TNNT1: variants seen among roughly 807,000 people sequenced by gnomAD.
TNNT1 encodes troponin T1, slow skeletal type.
TNNT1 carries 53 observed loss-of-function variants against 50.6 expected under a neutral mutation model. The ratio of observed to expected loss-of-function variants is 1.05; its 90% CI spans 0.84 to 1.32. The LOEUF (loss-of-function observed/expected upper bound fraction) is 1.32. TNNT1 is among the 40% of genes most tolerant of loss of function. The pLI is 0.00. For missense variants in TNNT1, 348 were observed against 381.7 expected, an observed-to-expected ratio of 0.91 and a Z score of 0.74; for synonymous variants, 142 against 138.0, an observed-to-expected ratio of 1.03 and a Z score of -0.20.
intron 9 of TNNT1, among the ~76,000 whole-genome samples, chr19:55,138,588 G>A (rs534079967): frequency 7.9e-5 from 12 of 152,020 alleles, no homozygotes; most frequent in Admixed American, 6.6e-5. Context: ...CCCTTCTCTG[G>A]GTCTTAATAT....
At chr19:55,145,660 C>G (rs577644682) in intron 5 of TNNT1, 95 bp from the exon 6 acceptor site, 3 of 1,428,028 alleles carry the variant, frequency 2.1e-6, no homozygotes, top group Non-Finnish European at 3.0e-6. Flanking sequence ...CCCCAAGCCT[C>G]GGCCCCCAGG....
intron 6 of TNNT1, among the ~76,000 whole-genome samples, chr19:55,144,677 A>G (rs1210591124): frequency 3.9e-5 from 6 of 152,226 alleles, no homozygotes; most frequent in Admixed American, 6.5e-5. Context: ...GCAAAGGCTC[A>G]GGGGTATGAA....
intron 11 of TNNT1, chr19:55,135,409 C>A: frequency 4.3e-6 from 1 of 231,624 alleles, no homozygotes; most frequent in Non-Finnish European, 8.8e-6. Context: ...TCTTTTCTTT[C>A]TTTTCTTTTT....
At chr19:55,142,301 TTAG>T (rs2085473174) in intron 6 of TNNT1, among the ~76,000 whole-genome samples, 1 of 150,786 alleles carries the variant, frequency 6.6e-6, no homozygotes, top group South Asian at 2.1e-4. Context: ...TTCTGTATTT[TTAG>T]TAGAGACGGG....
intron 9 of TNNT1, among the ~76,000 whole-genome samples, chr19:55,140,232 G>A (rs1048038399): frequency 3.9e-5 from 6 of 152,160 alleles, no homozygotes; most frequent in African/African-American, 1.4e-4. Context: ...GGTGAAAGCA[G>A]GTGGATTGCT....
chr19:55,134,240 G>C, intron 11 of TNNT1, 36 bp from the exon 12 acceptor site: 1 of 1,548,378 alleles, frequency 6.5e-7, no homozygotes. Flanking sequence ...TGGGCCCAGA[G>C]AGGTTGTGGG....
At chr19:55,144,441 G>A (rs945999681) in intron 6 of TNNT1, among the ~76,000 whole-genome samples, 1 of 152,158 alleles carries the variant, frequency 6.6e-6, no homozygotes, top group Non-Finnish European at 1.5e-5. Flanking sequence ...GTACAGTGGT[G>A]TAATCATAGC....
rs1371779259 is a variant in TNNT1, at chr19:55,147,077, G to A, written c.32+49C>T. On this transcript the variant is annotated intron_variant, in intron 2 of 13. Transcript: ENST00000588981. ...GGGGAGAGTTAGACCTGGGGTGGGA[G>A]AGCCTCTCCACCACTGCACGCCCCA... 10 of 1,613,298 alleles carry A rather than the reference G, an allele frequency of 6.2e-6. No homozygotes were observed. In the East Asian group the frequency reaches 2.0e-4, roughly 32 times the overall value.
chr19:55,148,946 G>A (rs971105525), intron 1 of TNNT1, among the ~76,000 whole-genome samples: 1 of 151,990 alleles, frequency 6.6e-6, no homozygotes, highest in Non-Finnish European at 1.5e-5. Flanking sequence ...TGGCAGCCCC[G>A]GGTTAGGATT....
chr19:55,134,064 A>G lies in TNNT1; in HGVS notation c.750+2T>C, dbSNP rs1165345869. 16 of 1,612,760 alleles carry G rather than the reference A, an allele frequency of 9.9e-6. No individual in the cohort carries two copies. The highest frequency in any genetic ancestry group is 1.3e-5 in the Non-Finnish European group (15 of 1,179,814). On this transcript the variant is annotated splice_donor_variant, in intron 12 of 13. Coordinates refer to ENST00000588981, the MANE Select transcript of TNNT1 (RefSeq NM_003283.6). LOFTEE classifies it high-confidence loss of function. ...CTCCCTCCCTGCGGAGCTGGGTCTC[A>G]CCTCATATTTCTGCTGTTTCAGCTT...
chr19:55,140,154 G>A (rs910611987), intron 9 of TNNT1, among the ~76,000 whole-genome samples: 1 of 148,534 alleles, frequency 6.7e-6, no homozygotes, highest in African/African-American at 2.5e-5. Flanking sequence ...AAAAAAAAGG[G>A]AAAAGAAGAA....
rs932018159 is a variant in TNNT1 at position 55,146,665 on chromosome 19, G to C, written c.73+16C>G. On this transcript the variant is annotated intron_variant, in intron 4 of 13. Coordinates refer to ENST00000588981, the MANE Select transcript of TNNT1 (RefSeq NM_003283.6). Reference sequence around the variant, plus strand: ...CCCACCCCCCAGCTCCAGACCTGCGGAGTCCGGGACCTCACCTTCCTCCTC... The same window carrying C: ...CCCACCCCCCAGCTCCAGACCTGCGCAGTCCGGGACCTCACCTTCCTCCTC... 4.1e-6 allele frequency: 6 copies of C among 1,478,318 alleles called. No homozygotes were observed. The highest frequency in any genetic ancestry group is 2.3e-5 in the Admixed American group (1 of 44,224). 91.6% of individuals were successfully genotyped at this position (1,478,318 alleles called of 1,614,324 possible). A position where few individuals can be genotyped will look rare whatever the true frequency, so the allele number is the denominator to read the frequency against.
chr19:55,148,395 C>T (rs1031787791), intron 1 of TNNT1, among the ~76,000 whole-genome samples: 1 of 152,026 alleles, frequency 6.6e-6, no homozygotes, highest in Non-Finnish European at 1.5e-5. Context: ...CTCACCCTGA[C>T]CCCTACATTC....
At position 55,133,893 on chromosome 19, in the gene TNNT1, T is replaced by C. The variant is rs1042700044; in HGVS notation, c.785A>G (p.Gln262Arg). ...NVLYNRISHAQKFRKGAGKGR... is the reference protein window; with the variant it reads ...NVLYNRISHARKFRKGAGKGR... Reference sequence around the variant, plus strand: ...TTGAGACGGTCACACTCACAACTTCTGGGCGTGGCTGATGCGGTTGTACAG... The same window carrying C: ...TTGAGACGGTCACACTCACAACTTCCGGGCGTGGCTGATGCGGTTGTACAG... Residue 262 changes from glutamine to arginine, a missense_variant, in exon 13 of 14, where the codon CAG becomes CGG. This residue lies in a region of TNNT1 where 253 missense variants were observed against 291.8 expected (regional missense o/e 0.87). Transcript: ENST00000588981. 6.2e-7 allele frequency: 1 copy of C among 1,613,696 alleles called. No individual in the cohort carries two copies. Among genetic ancestry groups the C allele is most frequent in the African/African-American group, 1.3e-5 (1 of 74,898 alleles).
chr19:55,139,891 A>AG (rs768417262), intron 9 of TNNT1, among the ~76,000 whole-genome samples: 7 of 152,042 alleles, frequency 4.6e-5, no homozygotes, highest in Admixed American at 3.3e-4. Context: ...TGGGAGGCCA[A>AG]GGGGGTGAAT....
chr19:55,146,414 A>G lies in TNNT1; in HGVS notation c.106+20T>C. ...CGGGCCCCCGACATCGGTCTCGGGA[A>G]GCGAAGCAGCCGCGGTTACCTGGCT... On this transcript the variant is annotated intron_variant, in intron 5 of 13. Transcript: ENST00000588981. The G allele has an allele frequency of 7.4e-7, 1 of 1,349,468 alleles. No homozygotes were observed. Among genetic ancestry groups the G allele is most frequent in the Non-Finnish European group, 9.6e-7 (1 of 1,042,944 alleles). 83.6% of individuals were successfully genotyped at this position (1,349,468 alleles called of 1,614,324 possible).
chr19:55,134,036 T>G, intron 12 of TNNT1, 30 bp downstream of exon 12: 1 of 1,599,066 alleles, frequency 6.3e-7, no homozygotes, highest in Non-Finnish European at 8.6e-7. Flanking sequence ...CTGCCCTCTC[T>G]CCCTCCCTCC....
intron 1 of TNNT1, among the ~76,000 whole-genome samples, chr19:55,147,683 C>CTGAGGGGGGAGGGGCTGGATGCT (rs1555860239): frequency 1.1e-5 from 1 of 90,416 alleles, no homozygotes; most frequent in Non-Finnish European, 2.2e-5. Context: ...GGGCTGGGGT[C>CTGAGGGGGGAGGGGCTGGATGCT]TGGACTCCTG....
Position 55,132,711 on chromosome 19 carries a change from T to C in TNNT1, c.*204A>G. ...ACCAGCAGTGTGTGAAGGTTCAGCC[T>C]GCCGTACTTTAATGATTATTGGTGA... On this transcript the variant is annotated 3_prime_UTR_variant, in exon 14 of 14. Transcript: ENST00000588981. The C allele has an allele frequency of 1.6e-6, 1 of 618,812 alleles. No individual in the cohort carries two copies. The highest frequency in any genetic ancestry group is 1.9e-5 in the South Asian group (1 of 52,022). The allele number at this position is 618,812 out of a possible 1,614,324, so 38.3% of individuals were successfully genotyped here. A position where few individuals can be genotyped will look rare whatever the true frequency, so the allele number is the denominator to read the frequency against.
Sources: gnomAD v4.1 joint callset for allele counts (sites outside exome capture counted in the v4.1 genomes callset) on GRCh38, gnomAD v4.1.1 for gene constraint, gnomAD v4.1.1 regional missense constraint, MANE v1.5 for transcripts, NCBI Gene and HGNC (gene_info 2026-07-23, HGNC 2026-07-21) for gene names.